The following C1QTNF9B variants were observed in gnomAD, a reference collection of about 807,000 sequenced individuals.
The protein encoded by C1QTNF9B is complement C1q and tumor necrosis factor-related protein 9B.
In C1QTNF9B, 9 loss-of-function variants were observed where a neutral mutation model predicts 10.1. The observed-to-expected ratio is 0.89, with a 90% CI of 0.53 to 1.55. C1QTNF9B has a LOEUF of 1.55. Among genes scored for constraint, C1QTNF9B ranks in the 40% most tolerant of loss-of-function variants. The pLI is 0.00. For synonymous variants in C1QTNF9B, 79 were observed against 159.9 expected, an observed-to-expected ratio of 0.49 and a Z score of 3.82; for missense variants, 196 against 414.4, an observed-to-expected ratio of 0.47 and a Z score of 4.58.
rs1872036709 is a variant in C1QTNF9B, at chr13:23,892,384, G to C, written c.230-323C>G. On this transcript the variant is annotated intron_variant, in intron 2 of 2. Coordinates refer to ENST00000382137, the Ensembl canonical transcript of C1QTNF9B. ...AATTCAATTACTCCAGCCCAGCTCAGTGGCTTATGCCTGTAATCCTAGCAC... is the reference window on the plus strand; with the variant it reads ...AATTCAATTACTCCAGCCCAGCTCACTGGCTTATGCCTGTAATCCTAGCAC... Among the ~76,000 whole-genome samples, 4 of 152,304 alleles carry C rather than the reference G, an allele frequency of 2.6e-5. No homozygotes were observed. The South Asian group carries it at 8.3e-4, about 32-fold the overall frequency.
chr13:23,894,849 C>T (rs1237006934), intron 1 of C1QTNF9B, among the ~76,000 whole-genome samples: 3 of 152,176 alleles, frequency 2.0e-5, no homozygotes, highest in African/African-American at 7.2e-5. Context: ...GCGTGCTATC[C>T]GTCAGCGGGT....
In C1QTNF9B at chr13:23,891,461, C is replaced by G; in HGVS notation, c.830G>C (p.Arg277Thr). 1.9e-6 allele frequency: 3 copies of G among 1,571,158 alleles called. 1 individual carries two copies. Among genetic ancestry groups the G allele is most frequent in the Non-Finnish European group, 2.6e-6 (3 of 1,146,920 alleles). ...GTCCTCAGAGCTCACGTAAGCATCTCTGGTGTGCAGTATTTTTACTCCGTT... is the reference window on the plus strand; with the variant it reads ...GTCCTCAGAGCTCACGTAAGCATCTGTGGTGTGCAGTATTTTTACTCCGTT... The change falls in exon 3 of 3, where the codon AGA (arginine) becomes ACA (threonine). Residue 277 changes from arginine (R) to threonine (T), a missense_variant. By Grantham distance (71) the Arg-to-Thr change is moderately conservative. Around this residue, in one of 5 missense-constraint regions of C1QTNF9B, gnomAD observed 72 missense variants for 87.1 expected, o/e 0.83. Transcript: ENST00000382137.
intron 1 of C1QTNF9B, 36 bp from the exon 4 acceptor site, chr13:23,894,237 A>G (rs191286200): frequency 0.012 from 16,993 of 1,437,012 alleles, 1,418 homozygotes; most frequent in South Asian, 0.049. Context: ...ATGAGTTGAA[A>G]TTCCATTTCT....
chr13:23,893,696 C>T (rs1029646056), intron 2 of C1QTNF9B, among the ~76,000 whole-genome samples: 1 of 152,118 alleles, frequency 6.6e-6, no homozygotes, highest in African/African-American at 2.4e-5. Context: ...TCTGGAACTC[C>T]TAGGTTCAAG....
At chr13:23,894,020 A>G in intron 2 of C1QTNF9B, 119 bp downstream of exon 4, 3 of 1,250,494 alleles carry the variant, frequency 2.4e-6, no homozygotes, top group Non-Finnish European at 3.4e-6. Flanking sequence ...CCATCTGGAG[A>G]GTAAGAACTG....
At chr13:23,894,017 G>C in intron 2 of C1QTNF9B, 122 bp downstream of exon 4, 1 of 1,234,718 alleles carries the variant, frequency 8.1e-7, no homozygotes, top group Non-Finnish European at 1.2e-6. Context: ...CCCCCATCTG[G>C]AGAGTAAGAA....
At position 23,895,754 on chromosome 13, in the gene C1QTNF9B, C is replaced by CAT. The variant is rs546081529; in HGVS notation, c.166+1065_166+1066dup. ...GAAATAAAATACACACAGACACAGA[C>CAT]ATACACACACACACACACACACACA... On this transcript the variant is annotated intron_variant, in intron 1 of 2. Transcript: ENST00000382137. Among the ~76,000 whole-genome samples, 1,077 of 141,140 alleles carry CAT rather than the reference C, an allele frequency of 7.6e-3. 12 individuals are homozygous for CAT. Among genetic ancestry groups the CAT allele is most frequent in the African/African-American group, 0.027 (1,030 of 37,856 alleles). The allele number at this position is 141,140 out of a possible 152,430, so 92.6% of individuals were successfully genotyped here.
rs200629265 is a variant in C1QTNF9B, at chr13:23,891,400, G to A, written c.891C>T (p.Leu297=). The change falls in exon 3 of 3, where the codon CTC becomes CTT. Residue 297 remains leucine, a synonymous_variant. Coordinates refer to ENST00000382137, the Ensembl canonical transcript of C1QTNF9B. ...TCACCTGCAGCCACATCTCATCCCC[G>A]AGCTTCAGCTGCAGGACAATGCTGC... The A allele has an allele frequency of 5.6e-5, 88 of 1,581,662 alleles. 10 individuals are homozygous for A. Among genetic ancestry groups the A allele is most frequent in the Middle Eastern group, 5.0e-4 (3 of 5,962 alleles).
intron 2 of C1QTNF9B, among the ~76,000 whole-genome samples, chr13:23,893,587 C>G (rs1872093557): frequency 6.6e-6 from 1 of 152,224 alleles, no homozygotes; most frequent in South Asian, 2.1e-4. Context: ...ATCCTCCCAT[C>G]TCAGCCTCCT....
chr13:23,897,141 G>T, upstream of C1QTNF9B: 4 of 1,074,976 alleles, frequency 3.7e-6, no homozygotes, highest in Non-Finnish European at 5.3e-6. Flanking sequence ...CTTGGCAGAA[G>T]ACTCAGGGCA....
chr13:23,896,723 G>A, intron 1 of C1QTNF9B, 98 bp downstream of exon 3: 1 of 1,550,112 alleles, frequency 6.5e-7, no homozygotes, highest in Non-Finnish European at 8.8e-7. Flanking sequence ...TGGATGGGTT[G>A]TGAGTGGGTA....
At chr13:23,892,261 G>A (rs1223183582) in intron 2 of C1QTNF9B, among the ~76,000 whole-genome samples, 200 bp from the exon 5 acceptor site, 3 of 152,146 alleles carry the variant, frequency 2.0e-5, no homozygotes, top group Admixed American at 6.5e-5. Flanking sequence ...GACCGCGGCA[G>A]GAGGACTGCC....
rs1872171457 is a variant in C1QTNF9B, at chr13:23,895,556, A to G, written c.166+1265T>C. 2.0e-5 allele frequency among the ~76,000 whole-genome samples: 3 copies of G among 152,206 alleles called. No individual in the cohort carries two copies. In the South Asian group the frequency reaches 6.2e-4, roughly 32 times the overall value. ...CTAAGAAGTATGTAAAACTTGAAAG[A>G]ATGGACATTGGTGAGCAGAGGAGAG... On this transcript the variant is annotated intron_variant, in intron 1 of 2. Transcript: ENST00000382137.
rs781127390 is a variant in C1QTNF9B at position 23,891,414 on chromosome 13, G to A, written c.877C>T (p.Leu293=). The change falls in exon 3 of 3, where the codon CTG becomes TTG. Residue 293 remains leucine (L), a synonymous_variant. Coordinates refer to ENST00000382137, the Ensembl canonical transcript of C1QTNF9B. Reference sequence around the variant, plus strand: ...ATCTCATCCCCGAGCTTCAGCTGCAGGACAATGCTGCCAGAGGCCTGGTCC... The same window carrying A: ...ATCTCATCCCCGAGCTTCAGCTGCAAGACAATGCTGCCAGAGGCCTGGTCC... 9 of 1,581,872 alleles carry A rather than the reference G, an allele frequency of 5.7e-6. 1 individual carries two copies. In the Admixed American group the frequency reaches 1.0e-4, roughly 18 times the overall value.
upstream of C1QTNF9B, chr13:23,897,203 T>C (rs1872234674): frequency 1.7e-6 from 1 of 574,254 alleles, no homozygotes; most frequent in South Asian, 3.0e-5. Flanking sequence ...AAGGTAACAC[T>C]TGTGATTGGA....
chr13:23,896,687 C>G (rs1872212297), intron 1 of C1QTNF9B, 134 bp downstream of exon 3: 2 of 1,315,356 alleles, frequency 1.5e-6, no homozygotes, highest in Non-Finnish European at 2.1e-6. Flanking sequence ...GGGTCAGGCT[C>G]CAGTGAATGT....
intron 1 of C1QTNF9B, chr13:23,894,719 G>A: frequency 2.3e-6 from 1 of 443,400 alleles, no homozygotes; most frequent in South Asian, 1.6e-5. Context: ...GATCCCTCTA[G>A]TGCCTTACAC....
intron 1 of C1QTNF9B, among the ~76,000 whole-genome samples, chr13:23,895,786 C>CA (rs71070627): frequency 6.6e-6 from 1 of 151,416 alleles, no homozygotes; most frequent in Admixed American, 6.6e-5. Context: ...CACACACACA[C>CA]CACTGTGGTC....
chr13:23,894,399 G>A, intron 1 of C1QTNF9B, 198 bp from the exon 4 acceptor site: 1 of 638,800 alleles, frequency 1.6e-6, no homozygotes, highest in Admixed American at 2.1e-5. Context: ...TGGGATAAGT[G>A]ACCTAAGAAA....
Sources: allele counts gnomAD v4.1 joint callset (sites outside exome capture counted in the v4.1 genomes callset), GRCh38; gene constraint gnomAD v4.1.1; regional missense constraint gnomAD v4.1.1; transcripts MANE v1.5; gene names NCBI Gene and HGNC (gene_info 2026-07-23, HGNC 2026-07-21).